Variants in RPS29 observed in about 807,000 individuals in gnomAD.
The protein encoded by RPS29 is ribosomal protein S29.
For missense variants in RPS29, 60 were observed against 75.7 expected (o/e 0.79, Z 0.77); for synonymous variants, 37 against 26.9 (o/e 1.37, Z -1.16).
intron 1 of RPS29, 68 bp downstream of exon 1, chr14:49,586,217 T>C: frequency 6.5e-7 from 1 of 1,538,164 alleles, no homozygotes; most frequent in Non-Finnish European, 9.0e-7. Context: ...TGGCCTCCTC[T>C]ACTTGAGATT....
intron 1 of RPS29, among the ~76,000 whole-genome samples, chr14:49,594,276 C>T (rs1338300240): frequency 2.6e-5 from 4 of 151,722 alleles, no homozygotes; most frequent in African/African-American, 7.3e-5. Context: ...AATTTTATCC[C>T]GCTTAAAATT....
At chr14:49,589,795 T>G (rs1208750913), upstream of RPS29, among the ~76,000 whole-genome samples, 2 of 152,220 alleles carry the variant, frequency 1.3e-5, no homozygotes, top group African/African-American at 2.4e-5. Context: ...ATAGCAATTT[T>G]TTAAGCAACA....
At chr14:49,584,466 AT>A (rs1225651033) in intron 2 of RPS29, among the ~76,000 whole-genome samples, 3 of 152,204 alleles carry the variant, frequency 2.0e-5, no homozygotes, top group Non-Finnish European at 2.9e-5. Flanking sequence ...CAGTATTCAT[AT>A]TAACAATTTA....
intron 2 of RPS29, among the ~76,000 whole-genome samples, chr14:49,584,319 A>G (rs1368502982): frequency 1.3e-5 from 2 of 152,176 alleles, no homozygotes; most frequent in East Asian, 3.9e-4. Context: ...GCCAAGGTCC[A>G]TTTTCTTACG....
At chr14:49,593,061 A>G (rs1228706346) in intron 1 of RPS29, among the ~76,000 whole-genome samples, 1 of 152,218 alleles carries the variant, frequency 6.6e-6, no homozygotes, top group Non-Finnish European at 1.5e-5. Context: ...GTTCCCCAGG[A>G]ATGAAGGAGA....
At chr14:49,596,911 T>A (rs1881838055) in intron 1 of RPS29, among the ~76,000 whole-genome samples, 1 of 146,888 alleles carries the variant, frequency 6.8e-6, no homozygotes, top group Non-Finnish European at 1.5e-5. Context: ...ACTAATTTTT[T>A]CTTCTTCTTT....
chr14:49,576,480 G>GT (rs1222785649), exon 3 of RPS29: 1 of 152,090 alleles, frequency 6.6e-6, no homozygotes, highest in Non-Finnish European at 1.5e-5. Context: ...CACTAGAAGT[G>GT]TTTTTTCTCT....
chr14:49,591,517 G>A (rs1024551379), intron 1 of RPS29, among the ~76,000 whole-genome samples: 4 of 151,666 alleles, frequency 2.6e-5, no homozygotes, highest in African/African-American at 9.7e-5. Flanking sequence ...TCACCATGTT[G>A]GCCAGGCTGG....
downstream of RPS29, among the ~76,000 whole-genome samples, chr14:49,580,257 A>G (rs1480767251): frequency 6.6e-6 from 1 of 152,050 alleles, no homozygotes; most frequent in African/African-American, 2.4e-5. Context: ...CATCTCCCAA[A>G]CTTTTTTACA....
chr14:49,578,593 CTCTG>C (rs1881251654), downstream of RPS29, among the ~76,000 whole-genome samples: 1 of 102,428 alleles, frequency 9.8e-6, no homozygotes, highest in Non-Finnish European at 1.9e-5. Context: ...CAGGGTCTCA[CTCTG>C]TCTCCCAGGC....
chr14:49,585,738 A>T, intron 2 of RPS29: 1 of 561,792 alleles, frequency 1.8e-6, no homozygotes. Context: ...AGTAGGAAAG[A>T]CTAAGTCCTT....
At chr14:49,584,238 A>G (rs745899261) in intron 2 of RPS29, among the ~76,000 whole-genome samples, 1 of 152,212 alleles carries the variant, frequency 6.6e-6, no homozygotes, top group Non-Finnish European at 1.5e-5. Flanking sequence ...CGGCCTCCCA[A>G]AGTGCTGGGA....
At chr14:49,596,835 T>G (rs1291816021) in intron 1 of RPS29, among the ~76,000 whole-genome samples, 1 of 150,564 alleles carries the variant, frequency 6.6e-6, no homozygotes, top group Non-Finnish European at 1.5e-5. Flanking sequence ...TGGAGGGCAG[T>G]TCTTCGCTCA....
At chr14:49,572,140 G>A (rs185967175) in exon 3 of RPS29, 2 of 152,226 alleles carry the variant, frequency 1.3e-5, no homozygotes, top group African/African-American at 2.4e-5. Flanking sequence ...TAGTAGATAC[G>A]AGGTTCACGG....
chr14:49,578,750 AG>A (rs536603499), downstream of RPS29, among the ~76,000 whole-genome samples: 3 of 152,078 alleles, frequency 2.0e-5, no homozygotes, highest in South Asian at 6.2e-4. Context: ...TAACAGAGAC[AG>A]GGTTTCACCA....
chr14:49,592,516 C>T (rs1490655126), intron 1 of RPS29, among the ~76,000 whole-genome samples: 3 of 150,948 alleles, frequency 2.0e-5, no homozygotes, highest in Non-Finnish European at 3.0e-5. Flanking sequence ...TACAGGCATG[C>T]GCCACCACCC....
At chr14:49,590,688 C>CTT (rs541653189), upstream of RPS29, among the ~76,000 whole-genome samples, 9 of 143,142 alleles carry the variant, frequency 6.3e-5, no homozygotes, top group Admixed American at 1.4e-4. Flanking sequence ...AGAATTAGGT[C>CTT]TTTTTTTTTT....
chr14:49,588,536 C>CTT (rs66796235), upstream of RPS29, among the ~76,000 whole-genome samples: 191 of 150,524 alleles, frequency 1.3e-3, no homozygotes, highest in African/African-American at 3.5e-3. Flanking sequence ...GTTTTTTTTC[C>CTT]TTTTTTTTTG....
chr14:49,598,478 G>A (rs1881889798), exon 1 of RPS29: 1 of 702,284 alleles, frequency 1.4e-6, no homozygotes, highest in Non-Finnish European at 2.6e-6. Context: ...GACGTGCCAG[G>A]TGTGCCTCCG....
Sources: allele counts gnomAD v4.1 joint callset (sites outside exome capture counted in the v4.1 genomes callset), GRCh38; gene constraint gnomAD v4.1.1; transcripts MANE v1.5; gene names NCBI Gene and HGNC (gene_info 2026-07-23, HGNC 2026-07-21).